CPXM2: variants seen among roughly 807,000 people sequenced by gnomAD.
The protein encoded by CPXM2 is inactive carboxypeptidase-like protein X2.
In CPXM2, 66 loss-of-function variants were observed where a neutral mutation model predicts 86.1. The ratio of observed to expected loss-of-function variants is 0.77; its 90% CI spans 0.63 to 0.94. The LOEUF (loss-of-function observed/expected upper bound fraction) is 0.94. Among genes scored for constraint, CPXM2 ranks in the 40% least tolerant of loss-of-function variants. The pLI, the probability that CPXM2 is intolerant of heterozygous loss-of-function variation, is 0.00. For missense variants in CPXM2, 948 were observed against 1,026.3 expected (o/e 0.92, Z 1.04); for synonymous variants, 388 against 400.2 (o/e 0.97, Z 0.36).
chr10:123,789,542 G>A (rs1244631717), intron 6 of CPXM2, among the ~76,000 whole-genome samples: 2 of 152,184 alleles, frequency 1.3e-5, no homozygotes, highest in East Asian at 1.9e-4. Context: ...GCTGGACCAC[G>A]AAGAGAAATC....
chr10:123,851,973 T>G (rs1046816707), intron 3 of CPXM2, among the ~76,000 whole-genome samples: 3 of 151,960 alleles, frequency 2.0e-5, no homozygotes, highest in Admixed American at 1.3e-4. Flanking sequence ...GGGTGATGCA[T>G]CTACCAGCCC....
At chr10:123,760,836 G>C (rs1034748946) in intron 11 of CPXM2, among the ~76,000 whole-genome samples, 5 of 152,154 alleles carry the variant, frequency 3.3e-5, no homozygotes, top group African/African-American at 1.2e-4. Flanking sequence ...ATGAAAAAGT[G>C]CAAGGGTTCA....
chr10:123,794,734 C>CGTGTGTGTGT lies in CPXM2; in HGVS notation c.889+3232_889+3241dup, dbSNP rs142855432. Among the ~76,000 whole-genome samples the CGTGTGTGTGT allele has an allele frequency of 9.9e-3, 1,395 of 141,270 alleles. 4 individuals are homozygous for CGTGTGTGTGT. The highest frequency in any genetic ancestry group is 0.02 in the South Asian group (85 of 4,168). 92.7% of individuals were successfully genotyped at this position (141,270 alleles called of 152,430 possible). ...TCATTTTTATTTATTTATTTAAGAC[C>CGTGTGTGTGT]GTGTGTGTGTGTGTGTGTGTGTGTG... On this transcript the variant is annotated intron_variant, in intron 6 of 13. Transcript: ENST00000241305.
At chr10:123,922,385 T>A in intron 2 of CPXM2, among the ~76,000 whole-genome samples, 1 of 152,226 alleles carries the variant, frequency 6.6e-6, no homozygotes, top group Non-Finnish European at 1.5e-5. Context: ...TCAATTTTTT[T>A]AATTCAAAAA....
intron 6 of CPXM2, among the ~76,000 whole-genome samples, chr10:123,784,520 C>T (rs573538011): frequency 3.3e-5 from 5 of 152,302 alleles, no homozygotes; most frequent in Admixed American, 2.0e-4. Context: ...AACAGATGGC[C>T]GCTGCCCCAT....
In CPXM2 at chr10:123,883,113, G is replaced by C. The variant is rs79295701; in HGVS notation, c.305-2804C>G. ...GGCCCAGGCAGATTTAGGCCTGTGA[G>C]GAAACTCTGGGACTCAGCTCTGGGA... is the stretch of plus-strand genomic sequence containing the variant. On this transcript the variant is annotated intron_variant, in intron 1 of 13. Transcript: ENST00000241305. Among the ~76,000 whole-genome samples the C allele has an allele frequency of 6.8e-3, 1,039 of 152,350 alleles. 15 individuals carry two copies. Among genetic ancestry groups the C allele is most frequent in the African/African-American group, 0.024 (978 of 41,578 alleles).
chr10:123,940,904 G>A (rs907320158), upstream of CPXM2, among the ~76,000 whole-genome samples: 1 of 152,190 alleles, frequency 6.6e-6, no homozygotes, highest in Non-Finnish European at 1.5e-5. Context: ...GGACACGGTG[G>A]CTCACGCCTG....
chr10:123,770,054 A>G (rs926682814), intron 8 of CPXM2, among the ~76,000 whole-genome samples: 2 of 152,182 alleles, frequency 1.3e-5, no homozygotes, highest in African/African-American at 2.4e-5. Flanking sequence ...CAGGTGGATC[A>G]CCTGAGGTCG....
intron 4 of CPXM2, among the ~76,000 whole-genome samples, chr10:123,808,728 C>T (rs1372777413): frequency 6.6e-6 from 1 of 152,090 alleles, no homozygotes; most frequent in Non-Finnish European, 1.5e-5. Context: ...AATCATTAAA[C>T]CCATAAGAAA....
intron 6 of CPXM2, among the ~76,000 whole-genome samples, chr10:123,786,649 C>T (rs544224224): frequency 6.6e-4 from 101 of 152,278 alleles, no homozygotes; most frequent in South Asian, 5.4e-3. Context: ...CGGATGGAGA[C>T]GGGACACATC....
chr10:123,794,734 CGTGTGTGTGTGTGT>C (rs142855432), intron 6 of CPXM2, among the ~76,000 whole-genome samples: 1 of 141,326 alleles, frequency 7.1e-6, no homozygotes, highest in Admixed American at 7.0e-5. Context: ...TATTTAAGAC[CGTGTGTGTGTGTGT>C]GTGTGTGTGT....
chr10:123,853,845 C>T (rs1848650940), intron 3 of CPXM2, among the ~76,000 whole-genome samples: 1 of 152,126 alleles, frequency 6.6e-6, no homozygotes, highest in Non-Finnish European at 1.5e-5. Context: ...GTGGAGGTTG[C>T]AGTGAGCAGA....
chr10:123,858,369 A>C (rs1848786816), intron 3 of CPXM2, among the ~76,000 whole-genome samples: 1 of 152,268 alleles, frequency 6.6e-6, no homozygotes, highest in African/African-American at 2.4e-5. Flanking sequence ...CAAGCGGCTC[A>C]GCATTTGGCG....
chr10:123,899,214 A>T (rs1945362425), intron 2 of CPXM2, among the ~76,000 whole-genome samples: 1 of 152,224 alleles, frequency 6.6e-6, no homozygotes. Flanking sequence ...GTCAAATATT[A>T]GCTAACTGAA....
chr10:123,934,168 C>A (rs1945693294), intron 2 of CPXM2, among the ~76,000 whole-genome samples: 1 of 152,176 alleles, frequency 6.6e-6, no homozygotes, highest in Non-Finnish European at 1.5e-5. Flanking sequence ...AGAGGGTCTG[C>A]TGTACCCAAT....
intron 4 of CPXM2, among the ~76,000 whole-genome samples, chr10:123,835,613 A>C (rs872304): frequency 0.25 from 38,104 of 152,170 alleles, 4,995 homozygotes; most frequent in Middle Eastern, 0.38. Flanking sequence ...CCCCAGCCCC[A>C]CATAGGTGCC....
intron 4 of CPXM2, among the ~76,000 whole-genome samples, chr10:123,818,292 C>T (rs897137885): frequency 5.3e-5 from 8 of 152,156 alleles, no homozygotes; most frequent in South Asian, 4.1e-4. Flanking sequence ...ATGGAGGTTA[C>T]GCATGGGCTC....
intron 3 of CPXM2, among the ~76,000 whole-genome samples, chr10:123,847,017 G>T (rs558223470): frequency 3.4e-4 from 52 of 152,158 alleles, no homozygotes; most frequent in African/African-American, 1.2e-3. Context: ...GTATTTCTTG[G>T]CTCAGTAAGT....
intron 2 of CPXM2, among the ~76,000 whole-genome samples, chr10:123,913,418 TA>T (rs1945506283): frequency 6.6e-6 from 1 of 152,188 alleles, no homozygotes; most frequent in Non-Finnish European, 1.5e-5. Context: ...AATGATTGTT[TA>T]GGGGGCATTG....
Sources: gnomAD v4.1 joint callset for allele counts (sites outside exome capture counted in the v4.1 genomes callset) on GRCh38, gnomAD v4.1.1 for gene constraint, MANE v1.5 for transcripts, NCBI Gene and HGNC (gene_info 2026-07-23, HGNC 2026-07-21) for gene names.